SLC14A2: variants seen among roughly 807,000 people sequenced by gnomAD.
SLC14A2 encodes the protein urea transporter 2.
A neutral mutation model predicts 104.6 loss-of-function variants in SLC14A2; 91 were observed. The ratio of observed to expected loss-of-function variants is 0.87; its 90% CI spans 0.73 to 1.04. SLC14A2 has a LOEUF of 1.04. Ranked by LOEUF, SLC14A2 falls within the 50% of genes least tolerant of loss-of-function variation. The pLI is 0.00. For missense variants in SLC14A2, 1,189 were observed against 1,156.0 expected, an observed-to-expected ratio of 1.03 and a Z score of -0.41; for synonymous variants, 476 against 466.4, an observed-to-expected ratio of 1.02 and a Z score of -0.27.
intron 1 of SLC14A2, among the ~76,000 whole-genome samples, chr18:45,428,397 C>G (rs926678411): frequency 1.2e-4 from 18 of 152,030 alleles, no homozygotes; most frequent in African/African-American, 4.3e-4. Flanking sequence ...AACTACAGAC[C>G]ATAACTTTAA....
intron 2 of SLC14A2, among the ~76,000 whole-genome samples, chr18:45,604,354 G>A (rs1599053856): frequency 6.6e-6 from 1 of 152,038 alleles, no homozygotes; most frequent in African/African-American, 2.4e-5. Flanking sequence ...AACTTTGTAT[G>A]GTACATAATA....
intron 1 of SLC14A2, among the ~76,000 whole-genome samples, chr18:45,283,151 A>G (rs1372572004): frequency 6.6e-6 from 1 of 152,154 alleles, no homozygotes; most frequent in Non-Finnish European, 1.5e-5. Context: ...AAGTGCCCAG[A>G]CACTGACTTA....
chr18:45,668,249 T>C (rs2144635424), intron 14 of SLC14A2, 100 bp from the exon 15 acceptor site: 1 of 1,492,966 alleles, frequency 6.7e-7, no homozygotes, highest in South Asian at 1.3e-5. Flanking sequence ...TTTGAAGGCG[T>C]GTGTAGTCAG....
intron 5 of SLC14A2, chr18:45,634,831 G>T (rs779635034): frequency 3.7e-5 from 17 of 457,112 alleles, no homozygotes; most frequent in South Asian, 2.5e-4. Flanking sequence ...GGATGGAGAC[G>T]GATTTTAACT....
At chr18:45,566,250 G>T (rs1330592423) in intron 2 of SLC14A2, among the ~76,000 whole-genome samples, 5 of 152,164 alleles carry the variant, frequency 3.3e-5, no homozygotes, top group African/African-American at 9.7e-5. Flanking sequence ...CTGAGGCTTG[G>T]AGAAGTTTAG....
chr18:45,314,699 A>T (rs2085111840), intron 1 of SLC14A2, among the ~76,000 whole-genome samples: 1 of 152,212 alleles, frequency 6.6e-6, no homozygotes, highest in Admixed American at 6.5e-5. Context: ...TTGATGTACT[A>T]GGTGAGGCTG....
At chr18:45,185,413 A>G in the SLC14A2 span, among the ~76,000 whole-genome samples, 1 of 152,148 alleles carries the variant, frequency 6.6e-6, no homozygotes, top group African/African-American at 2.4e-5. Context: ...GAGTCTACAC[A>G]GACATGGTTA....
the SLC14A2 span, among the ~76,000 whole-genome samples, chr18:45,190,277 T>C: frequency 1.7e-4 from 26 of 152,320 alleles, no homozygotes; most frequent in African/African-American, 6.3e-4. Context: ...AAGCAGCATA[T>C]TAAACTACAA....
chr18:45,633,567 T>C (rs1328100509), intron 5 of SLC14A2, among the ~76,000 whole-genome samples: 1 of 152,244 alleles, frequency 6.6e-6, no homozygotes, highest in African/African-American at 2.4e-5. Flanking sequence ...TTGGGGTCTC[T>C]GCAGTGTGCT....
intron 2 of SLC14A2, among the ~76,000 whole-genome samples, chr18:45,576,679 C>T (rs1240493581): frequency 6.6e-6 from 1 of 152,118 alleles, no homozygotes; most frequent in Non-Finnish European, 1.5e-5. Flanking sequence ...GTGGTCTCTC[C>T]ATGTGGTCCT....
chr18:45,584,837 G>GA (rs1804285230), intron 2 of SLC14A2, among the ~76,000 whole-genome samples: 1 of 152,206 alleles, frequency 6.6e-6, no homozygotes, highest in Admixed American at 6.5e-5. Context: ...TGATGTTTAT[G>GA]AAAATGCTGT....
intron 2 of SLC14A2, among the ~76,000 whole-genome samples, chr18:45,526,864 A>G (rs1052377354): frequency 1.3e-5 from 2 of 152,218 alleles, no homozygotes; most frequent in Admixed American, 6.5e-5. Flanking sequence ...GAAATTCACC[A>G]TGACCCCACA....
intron 1 of SLC14A2, among the ~76,000 whole-genome samples, chr18:45,375,203 C>G (rs2085761338): frequency 6.6e-6 from 1 of 152,186 alleles, no homozygotes; most frequent in South Asian, 2.1e-4. Context: ...AAACCTCCTT[C>G]TTGCCTGGGG....
chr18:45,358,930 GA>G (rs1211557140), intron 1 of SLC14A2, among the ~76,000 whole-genome samples: 1 of 152,126 alleles, frequency 6.6e-6, no homozygotes, highest in African/African-American at 2.4e-5. Flanking sequence ...ATAGCACAGA[GA>G]AAGGAAGGTG....
chr18:45,669,565 T>C (rs1185149814), intron 16 of SLC14A2, 67 bp downstream of exon 16: 1 of 1,328,644 alleles, frequency 7.5e-7, no homozygotes, highest in Non-Finnish European at 1.1e-6. Context: ...TTGCATATTT[T>C]GCACATCAGA....
At chr18:45,530,656 T>C (rs1179005650) in intron 2 of SLC14A2, among the ~76,000 whole-genome samples, 1 of 151,972 alleles carries the variant, frequency 6.6e-6, no homozygotes, top group African/African-American at 2.4e-5. Flanking sequence ...AGAAGGTACA[T>C]GAGCTTTAGT....
intron 2 of SLC14A2, among the ~76,000 whole-genome samples, chr18:45,591,270 G>A (rs1440041998): frequency 1.3e-5 from 2 of 152,208 alleles, no homozygotes; most frequent in East Asian, 3.8e-4. Flanking sequence ...ACCCCCAGCA[G>A]TCCTGTTCAA....
At chr18:45,339,693 G>A (rs1383615806) in intron 1 of SLC14A2, among the ~76,000 whole-genome samples, 1 of 152,210 alleles carries the variant, frequency 6.6e-6, no homozygotes, top group African/African-American at 2.4e-5. Context: ...CTGAGCAATG[G>A]ATGGTGGGAA....
At chr18:45,556,863 G>A (rs2044139643) in intron 2 of SLC14A2, among the ~76,000 whole-genome samples, 1 of 152,168 alleles carries the variant, frequency 6.6e-6, no homozygotes, top group Admixed American at 6.5e-5. Context: ...CCACTCCTGA[G>A]ACACACCACT....
Sources: gnomAD v4.1 joint callset for allele counts (sites outside exome capture counted in the v4.1 genomes callset) on GRCh38, gnomAD v4.1.1 for gene constraint, MANE v1.5 for transcripts, NCBI Gene and HGNC (gene_info 2026-07-23, HGNC 2026-07-21) for gene names.